SCN1A: variants seen among roughly 807,000 people sequenced by gnomAD.
SCN1A encodes sodium channel protein type 1 subunit alpha.
A neutral mutation model predicts 193.7 loss-of-function variants in SCN1A; 13 were observed. The ratio of observed to expected loss-of-function variants is 0.07; its 90% CI spans 0.04 to 0.11. The LOEUF (loss-of-function observed/expected upper bound fraction) is 0.11, where lower values mean the gene tolerates loss of function less well. Ranked by LOEUF, SCN1A falls within the 10% of genes least tolerant of loss-of-function variation. The probability of loss-of-function intolerance (pLI) is 1.00; values close to 1 mark genes in which losing one functional copy is unlikely to be tolerated. For missense variants in SCN1A, 1,432 were observed against 2,451.1 expected, an observed-to-expected ratio of 0.58 and a Z score of 8.78; for synonymous variants, 781 against 843.6, an observed-to-expected ratio of 0.93 and a Z score of 1.29.
downstream of SCN1A, chr2:165,985,075 G>C (rs1207306332): frequency 6.6e-6 from 1 of 152,072 alleles, no homozygotes; most frequent in Non-Finnish European, 1.5e-5. Context: ...AGATGCATCA[G>C]GGTTGAGCAA....
intron 2 of SCN1A, among the ~76,000 whole-genome samples, chr2:166,111,767 CA>C (rs1689320471): frequency 6.6e-6 from 1 of 151,740 alleles, no homozygotes; most frequent in South Asian, 2.1e-4. Context: ...TCCATATGAA[CA>C]GGAGTTTGGA....
intron 3 of SCN1A, among the ~76,000 whole-genome samples, chr2:166,076,670 G>A (rs1310711711): frequency 6.6e-6 from 1 of 151,890 alleles, no homozygotes; most frequent in Non-Finnish European, 1.5e-5. Flanking sequence ...AATACAGTGT[G>A]GTACTGACAA....
intron 2 of SCN1A, among the ~76,000 whole-genome samples, chr2:166,093,551 G>A (rs1687056203): frequency 6.6e-6 from 1 of 152,028 alleles, no homozygotes; most frequent in African/African-American, 2.4e-5. Context: ...CACCGTGTTA[G>A]CTAGGATGGT....
intron 2 of SCN1A, chr2:166,109,410 T>C (rs995250906): frequency 6.6e-6 from 1 of 152,188 alleles, no homozygotes; most frequent in African/African-American, 2.4e-5. Flanking sequence ...AAATATTTTA[T>C]ATACTTGGTG....
At chr2:166,003,124 TA>T (rs1388809586) in intron 23 of SCN1A, among the ~76,000 whole-genome samples, 2 of 151,544 alleles carry the variant, frequency 1.3e-5, no homozygotes, top group Non-Finnish European at 3.0e-5. Flanking sequence ...TAACTCATTT[TA>T]AAAAGGCAAT....
At chr2:166,027,360 A>G (rs1694933707) in intron 19 of SCN1A, 1 of 152,152 alleles carries the variant, frequency 6.6e-6, no homozygotes, top group East Asian at 1.9e-4. Context: ...ACTTTCTTCA[A>G]TATTCTCTGA....
chr2:166,076,647 A>G (rs190568851), intron 3 of SCN1A, among the ~76,000 whole-genome samples: 25 of 152,148 alleles, frequency 1.6e-4, no homozygotes, highest in Non-Finnish European at 3.7e-4. Flanking sequence ...CTTACTGTAA[A>G]GCTGCAGTAA....
chr2:165,985,259 TG>T (rs1688539598), downstream of SCN1A: 1 of 141,384 alleles, frequency 7.1e-6, no homozygotes, highest in South Asian at 2.2e-4. Flanking sequence ...TATAAAAGTA[TG>T]GATTGAAGGA....
chr2:166,039,328 A>C, intron 17 of SCN1A, 95 bp downstream of exon 17: 1 of 1,270,242 alleles, frequency 7.9e-7, no homozygotes, highest in South Asian at 1.3e-5. Context: ...TACAATGCTA[A>C]TGGTTGTGTG....
intron 25 of SCN1A, chr2:165,998,998 G>T (rs1690461271): frequency 6.6e-6 from 1 of 151,444 alleles, no homozygotes; most frequent in Non-Finnish European, 1.5e-5. Context: ...AAACTAAACA[G>T]ATGGGACTTG....
chr2:166,011,425 T>C (rs565472847), intron 22 of SCN1A, among the ~76,000 whole-genome samples: 1 of 151,234 alleles, frequency 6.6e-6, no homozygotes, highest in Non-Finnish European at 1.5e-5. Flanking sequence ...GCAGTATTAA[T>C]CATTGGGGAT....
At chr2:166,053,897 G>GA (rs1425750011) in intron 7 of SCN1A, among the ~76,000 whole-genome samples, 4 of 151,364 alleles carry the variant, frequency 2.6e-5, no homozygotes, top group South Asian at 4.2e-4. Context: ...TTTGCCACTA[G>GA]AAAAAAAAGC....
intron 10 of SCN1A, 125 bp from the exon 11 acceptor site, chr2:166,047,893 A>G: frequency 7.7e-7 from 1 of 1,297,890 alleles, no homozygotes; most frequent in Non-Finnish European, 1.1e-6. Context: ...CAAATAAGTA[A>G]CTAATCTATT....
chr2:165,996,631 G>C (rs767131526), intron 26 of SCN1A, among the ~76,000 whole-genome samples: 7 of 151,338 alleles, frequency 4.6e-5, no homozygotes, highest in Non-Finnish European at 7.4e-5. Flanking sequence ...GAGATTTAGG[G>C]GATAAATCAG....
chr2:166,140,170 C>T (rs1023078988), intron 1 of SCN1A, among the ~76,000 whole-genome samples: 3 of 152,042 alleles, frequency 2.0e-5, no homozygotes, highest in Non-Finnish European at 2.9e-5. Context: ...GATTCTGAAA[C>T]CAGCAGTGTA....
chr2:166,053,498 G>T (rs1363971871), intron 7 of SCN1A, among the ~76,000 whole-genome samples: 1 of 151,992 alleles, frequency 6.6e-6, no homozygotes, highest in Non-Finnish European at 1.5e-5. Flanking sequence ...TATGAGATAA[G>T]ATTTTCCTAG....
At chr2:166,023,949 A>G (rs1472057187) in intron 19 of SCN1A, among the ~76,000 whole-genome samples, 3 of 151,642 alleles carry the variant, frequency 2.0e-5, no homozygotes, top group Non-Finnish European at 2.9e-5. Context: ...CTAATTATTT[A>G]TATTTTTAGT....
chr2:165,994,769 AT>A (rs985814885), intron 27 of SCN1A, among the ~76,000 whole-genome samples: 2 of 151,272 alleles, frequency 1.3e-5, no homozygotes, highest in South Asian at 2.1e-4. Context: ...AACCCATTTA[AT>A]TTTTTTTTCA....
At chr2:166,016,815 T>A (rs781101888) in intron 19 of SCN1A, among the ~76,000 whole-genome samples, 4 of 151,864 alleles carry the variant, frequency 2.6e-5, no homozygotes, top group African/African-American at 9.7e-5. Flanking sequence ...GACCCGACAA[T>A]AGGCATTCCA....
Sources: allele counts gnomAD v4.1 joint callset (sites outside exome capture counted in the v4.1 genomes callset), GRCh38; gene constraint gnomAD v4.1.1; transcripts MANE v1.5; gene names NCBI Gene and HGNC (gene_info 2026-07-23, HGNC 2026-07-21).